The following CAPN3 variants were observed in gnomAD, a reference collection of about 807,000 sequenced individuals.
CAPN3 encodes the protein calpain-3.
CAPN3 carries 88 observed loss-of-function variants against 114.0 expected under a neutral mutation model. The ratio of observed to expected loss-of-function variants is 0.77; its 90% CI spans 0.65 to 0.92. The LOEUF (loss-of-function observed/expected upper bound fraction) is 0.92. Ranked by LOEUF, CAPN3 falls within the 40% of genes least tolerant of loss-of-function variation. The probability of loss-of-function intolerance (pLI) is 0.00; values close to 1 mark genes in which losing one functional copy is unlikely to be tolerated. For missense variants in CAPN3, 1,028 were observed against 1,069.0 expected, an observed-to-expected ratio of 0.96 and a Z score of 0.53; for synonymous variants, 386 against 382.9, an observed-to-expected ratio of 1.01 and a Z score of -0.09.
chr15:42,398,703 GTA>G (rs112213942), intron 9 of CAPN3, among the ~76,000 whole-genome samples: 13,973 of 135,256 alleles, frequency 0.1, 2,243 homozygotes, highest in African/African-American at 0.36. Context: ...ATGTGTGTGT[GTA>G]TATATACACA....
At chr15:42,402,766 T>C in intron 12 of CAPN3, 28 bp from the exon 13 acceptor site, 1 of 1,611,240 alleles carries the variant, frequency 6.2e-7, no homozygotes, top group Non-Finnish European at 8.5e-7. Context: ...GAGGGGCTCA[T>C]GTGCCCTGGG....
In CAPN3 at chr15:42,384,535, T is replaced by C. The variant is rs2053336097; in HGVS notation, c.362T>C (p.Ile121Thr). Residue 121 changes from isoleucine (I) to threonine (T), a missense_variant, in exon 2 of 24, where the codon ATC (isoleucine) becomes ACC (threonine). Transcript: ENST00000397163. ...ATTGATGGAGCCAACAGAACTGACATCTGTCAAGGAGAGCTAGGTAGGAAA... is the reference window on the plus strand; with the variant it reads ...ATTGATGGAGCCAACAGAACTGACACCTGTCAAGGAGAGCTAGGTAGGAAA... ...FIIDGANRTDICQGELGDCWF... is the reference protein window; with the variant it reads ...FIIDGANRTDTCQGELGDCWF... 1 of 1,613,618 alleles carries C rather than the reference T, an allele frequency of 6.2e-7. No homozygotes were observed. Among genetic ancestry groups the C allele is most frequent in the African/African-American group, 1.3e-5 (1 of 74,926 alleles).
intron 8 of CAPN3, among the ~76,000 whole-genome samples, chr15:42,396,420 T>C (rs112253071): frequency 0.034 from 5,162 of 152,160 alleles, 90 homozygotes; most frequent in African/African-American, 0.042. Flanking sequence ...TTTTTGTATT[T>C]TTATTAGGAC....
intron 15 of CAPN3, among the ~76,000 whole-genome samples, chr15:42,407,374 C>G (rs28364522): frequency 0.08 from 12,075 of 151,818 alleles, 1,540 homozygotes; most frequent in African/African-American, 0.26. Flanking sequence ...TGTCACCCAG[C>G]CTGGAGTGCA....
At chr15:42,401,483 C>A (rs551704617) in intron 10 of CAPN3, among the ~76,000 whole-genome samples, 158 bp from the exon 11 acceptor site, 8 of 133,888 alleles carry the variant, frequency 6.0e-5, no homozygotes, top group Admixed American at 2.3e-4. Flanking sequence ...GCCCCCCCCC[C>A]CCCCAAATCA....
intron 1 of CAPN3, among the ~76,000 whole-genome samples, chr15:42,364,207 G>A (rs182074591): frequency 2.6e-5 from 4 of 151,264 alleles, no homozygotes; most frequent in African/African-American, 9.9e-5. Flanking sequence ...TCAAGTCTGG[G>A]CCTGCTACCT....
intron 14 of CAPN3, chr15:42,404,480 T>C (rs1595840440): frequency 2.2e-6 from 1 of 456,382 alleles, no homozygotes; most frequent in East Asian, 6.9e-5. Context: ...GTTGAATGAC[T>C]TCTCTGAGTT....
intron 1 of CAPN3, among the ~76,000 whole-genome samples, chr15:42,384,238 C>T (rs570099896): frequency 1.3e-5 from 2 of 152,150 alleles, no homozygotes; most frequent in African/African-American, 2.4e-5. Flanking sequence ...ATGGTGAAAC[C>T]GTATCTCTAC....
chr15:42,374,982 T>TG (rs1566970572), intron 1 of CAPN3, among the ~76,000 whole-genome samples: 1 of 139,376 alleles, frequency 7.2e-6, no homozygotes, highest in Non-Finnish European at 1.5e-5. Context: ...TTTGTTTAAA[T>TG]AAAAATTTAT....
intron 1 of CAPN3, among the ~76,000 whole-genome samples, chr15:42,382,213 T>C (rs1304443441): frequency 6.6e-6 from 1 of 152,186 alleles, no homozygotes; most frequent in African/African-American, 2.4e-5. Flanking sequence ...AAACAATGTT[T>C]TTTTTTTTCT....
chr15:42,391,365 A>T (rs1381325337), intron 6 of CAPN3, among the ~76,000 whole-genome samples: 1 of 152,166 alleles, frequency 6.6e-6, no homozygotes, highest in African/African-American at 2.4e-5. Flanking sequence ...TGATATGCTT[A>T]GGTAATGACA....
intron 6 of CAPN3, among the ~76,000 whole-genome samples, chr15:42,390,489 C>G (rs1449144014): frequency 1.3e-5 from 2 of 152,202 alleles, no homozygotes; most frequent in Non-Finnish European, 2.9e-5. Flanking sequence ...AAAGCAAATT[C>G]TCTCCTCTTT....
chr15:42,403,650 G>C, intron 13 of CAPN3, 91 bp from the exon 14 acceptor site: 1 of 1,234,112 alleles, frequency 8.1e-7, no homozygotes, highest in Non-Finnish European at 1.2e-6. Flanking sequence ...TGGCTTGGCT[G>C]CCAGGAAGCC....
chr15:42,400,687 A>G (rs1393635542), intron 10 of CAPN3, among the ~76,000 whole-genome samples: 1 of 150,844 alleles, frequency 6.6e-6, no homozygotes, highest in Admixed American at 6.6e-5. Flanking sequence ...CCCTGCCTCA[A>G]AAAAAAAAGA....
chr15:42,397,160 C>T (rs1411392517), intron 9 of CAPN3, among the ~76,000 whole-genome samples: 2 of 152,190 alleles, frequency 1.3e-5, no homozygotes, highest in African/African-American at 4.8e-5. Flanking sequence ...GGCCTTAGCA[C>T]AATTCTTTTC....
At chr15:42,398,919 G>T (rs542523943) in intron 9 of CAPN3, among the ~76,000 whole-genome samples, 1 of 150,978 alleles carries the variant, frequency 6.6e-6, no homozygotes, top group East Asian at 2.0e-4. Flanking sequence ...CAAGTAACTA[G>T]GATTACAAGT....
chr15:42,405,991 T>C, intron 15 of CAPN3, 48 bp downstream of exon 15: 10 of 1,496,842 alleles, frequency 6.7e-6, no homozygotes, highest in African/African-American at 1.4e-5. Flanking sequence ...CATGCATATG[T>C]ATGTGCATGC....
intron 1 of CAPN3, among the ~76,000 whole-genome samples, chr15:42,362,419 G>A (rs987648405): frequency 4.6e-5 from 7 of 152,270 alleles, no homozygotes; most frequent in Admixed American, 4.6e-4. Flanking sequence ...ATTGGGCAGT[G>A]TCCATGTTTG....
intron 19 of CAPN3, 33 bp downstream of exon 19, chr15:42,410,028 G>A (rs769009667): frequency 3.1e-6 from 5 of 1,603,522 alleles, no homozygotes; most frequent in African/African-American, 1.3e-5. Flanking sequence ...CCGACCCTCT[G>A]TCATCAGCCC....
Sources: allele counts gnomAD v4.1 joint callset (sites outside exome capture counted in the v4.1 genomes callset), GRCh38; gene constraint gnomAD v4.1.1; transcripts MANE v1.5; gene names NCBI Gene and HGNC (gene_info 2026-07-23, HGNC 2026-07-21).